Variants in ARL15 observed in about 807,000 individuals in gnomAD.
The protein encoded by ARL15 is ARF like GTPase 15.
ARL15 carries 19 observed loss-of-function variants against 25.2 expected under a neutral mutation model. The ratio of observed to expected loss-of-function variants is 0.75; its 90% CI spans 0.53 to 1.10. ARL15 has a LOEUF of 1.10. Among genes scored for constraint, ARL15 ranks in the 50% least tolerant of loss-of-function variants. ARL15 has a pLI of 0.00. For synonymous variants in ARL15, 94 were observed against 86.8 expected (o/e 1.08, Z -0.46); for missense variants, 220 against 246.0 (o/e 0.89, Z 0.71).
chr5:54,071,866 G>A (rs1751433092), intron 4 of ARL15, among the ~76,000 whole-genome samples: 1 of 151,690 alleles, frequency 6.6e-6, no homozygotes, highest in South Asian at 2.1e-4. Flanking sequence ...CCAGCTACTC[G>A]GAAGGCTGAG....
At chr5:53,906,760 G>A (rs1245637220) in intron 4 of ARL15, among the ~76,000 whole-genome samples, 2 of 152,128 alleles carry the variant, frequency 1.3e-5, no homozygotes, top group African/African-American at 2.4e-5. Context: ...TTACAGTTTA[G>A]ATTTAAGAAA....
Position 54,283,834 on chromosome 5 carries a change from G to A in ARL15, c.48+26598C>T, listed in dbSNP as rs116080370. On this transcript the variant is annotated intron_variant, in intron 1 of 4. Coordinates refer to ENST00000504924, the MANE Select transcript of ARL15 (RefSeq NM_019087.3). ...GGGTTAAGTGTTGTCCTGTGACTAA[G>A]TTCTCCAAAATGAGATGTAACTGAA... Among the ~76,000 whole-genome samples the A allele has an allele frequency of 4.1e-3, 627 of 152,308 alleles. 1 individual carries two copies. Among genetic ancestry groups the A allele is most frequent in the Admixed American group, 6.9e-3 (106 of 15,302 alleles).
At chr5:54,302,309 G>A (rs1318489168) in intron 1 of ARL15, among the ~76,000 whole-genome samples, 1 of 152,156 alleles carries the variant, frequency 6.6e-6, no homozygotes, top group Non-Finnish European at 1.5e-5. Context: ...AATCAGACAA[G>A]CTCATACACT....
intron 3 of ARL15, among the ~76,000 whole-genome samples, chr5:54,139,533 G>GT (rs1561239275): frequency 1.3e-5 from 2 of 152,208 alleles, no homozygotes; most frequent in East Asian, 3.9e-4. Context: ...TGGGAGGTGG[G>GT]TAAGGGATAA....
chr5:54,048,776 C>T (rs1276665537), intron 4 of ARL15, among the ~76,000 whole-genome samples: 1 of 148,252 alleles, frequency 6.7e-6, no homozygotes, highest in East Asian at 2.0e-4. Flanking sequence ...TGCCTATTAC[C>T]AGGTTGACTA....
chr5:53,991,032 C>G (rs1748472025), intron 4 of ARL15, among the ~76,000 whole-genome samples: 1 of 152,012 alleles, frequency 6.6e-6, no homozygotes, highest in African/African-American at 2.4e-5. Flanking sequence ...TCTAATTCCT[C>G]TCACTCCCTA....
chr5:54,255,723 C>T (rs541638942), intron 1 of ARL15, among the ~76,000 whole-genome samples: 1 of 152,244 alleles, frequency 6.6e-6, no homozygotes, highest in Admixed American at 6.5e-5. Context: ...AACTTTGTTT[C>T]ATGAATGAAA....
intron 1 of ARL15, among the ~76,000 whole-genome samples, chr5:54,174,677 C>T (rs553922226): frequency 6.6e-6 from 1 of 152,316 alleles, no homozygotes; most frequent in South Asian, 2.1e-4. Flanking sequence ...TAAACGCCAA[C>T]ACATCACTTC....
At chr5:54,296,940 A>G (rs1758480474) in intron 1 of ARL15, among the ~76,000 whole-genome samples, 1 of 152,234 alleles carries the variant, frequency 6.6e-6, no homozygotes, top group Non-Finnish European at 1.5e-5. Flanking sequence ...GGCAGGTACT[A>G]GTGTGAGATG....
intron 4 of ARL15, among the ~76,000 whole-genome samples, chr5:54,023,544 A>T (rs80322236): frequency 6.6e-6 from 1 of 152,018 alleles, no homozygotes; most frequent in African/African-American, 2.4e-5. Flanking sequence ...AAAAAAAAAA[A>T]AGACATGGAA....
At chr5:53,893,279 A>C (rs1744777059) in intron 4 of ARL15, among the ~76,000 whole-genome samples, 1 of 152,116 alleles carries the variant, frequency 6.6e-6, no homozygotes, top group Admixed American at 6.6e-5. Context: ...GAAACCTGCG[A>C]GTACAACAAA....
Position 54,208,247 on chromosome 5 carries a change from C to A in ARL15, c.49-36319G>T, listed in dbSNP as rs140290784. ...CAGAACTCTGAATTAGCTTCAAATG[C>A]CCCACTTTTAAATATAAATAGACAA... On this transcript the variant is annotated intron_variant, in intron 1 of 4. Transcript: ENST00000504924. Among the ~76,000 whole-genome samples the A allele has an allele frequency of 2.1e-3, 327 of 152,150 alleles. 1 individual carries two copies. Among genetic ancestry groups the A allele is most frequent in the African/African-American group, 7.5e-3 (311 of 41,506 alleles).
chr5:54,211,464 ACAC>A (rs1490271930), intron 1 of ARL15, among the ~76,000 whole-genome samples: 1 of 120,688 alleles, frequency 8.3e-6, no homozygotes, highest in African/African-American at 3.2e-5. Flanking sequence ...CTTAAATGAA[ACAC>A]TTTTTTTTTT....
At chr5:54,191,545 C>G (rs1272138729) in intron 1 of ARL15, among the ~76,000 whole-genome samples, 4 of 152,042 alleles carry the variant, frequency 2.6e-5, no homozygotes, top group African/African-American at 4.8e-5. Flanking sequence ...AAACCTATTC[C>G]TCCTGAAACT....
intron 4 of ARL15, among the ~76,000 whole-genome samples, chr5:54,003,666 ATCTATCTATCTATC>A (rs1561184618): frequency 0.018 from 962 of 52,926 alleles, 15 homozygotes; most frequent in African/African-American, 0.054. Flanking sequence ...TTTTCTTTCT[ATCTATCTATCTATC>A]TATCTATCTA....
At chr5:54,039,800 TAAAAAA>T (rs35030165) in intron 4 of ARL15, among the ~76,000 whole-genome samples, 1 of 52,546 alleles carries the variant, frequency 1.9e-5, no homozygotes, top group African/African-American at 7.6e-5. Context: ...AGACTCTGTC[TAAAAAA>T]AAAAAAAAAA....
At chr5:54,292,368 G>C (rs1758356245) in intron 1 of ARL15, among the ~76,000 whole-genome samples, 1 of 152,160 alleles carries the variant, frequency 6.6e-6, no homozygotes, top group South Asian at 2.1e-4. Context: ...AGGCAGTATA[G>C]TCATTGCCTA....
intron 3 of ARL15, among the ~76,000 whole-genome samples, chr5:54,136,941 C>A (rs1417431609): frequency 2.0e-5 from 3 of 151,640 alleles, no homozygotes; most frequent in African/African-American, 7.3e-5. Context: ...TCTTCAGTCA[C>A]TACACTCTTG....
chr5:54,191,875 A>C (rs140059380), intron 1 of ARL15, among the ~76,000 whole-genome samples: 236 of 152,226 alleles, frequency 1.6e-3, no homozygotes, highest in African/African-American at 5.2e-3. Context: ...TTTCCACTCA[A>C]AATACTCCAA....
Sources: allele counts gnomAD v4.1 joint callset (sites outside exome capture counted in the v4.1 genomes callset), GRCh38; gene constraint gnomAD v4.1.1; transcripts MANE v1.5; gene names NCBI Gene and HGNC (gene_info 2026-07-23, HGNC 2026-07-21).